The following ARHGAP15 variants were observed in gnomAD, a reference collection of about 807,000 sequenced individuals.
ARHGAP15 encodes the protein rho GTPase-activating protein 15.
In ARHGAP15, 51 loss-of-function variants were observed where a neutral mutation model predicts 63.7. The observed-to-expected ratio is 0.80, with a 90% CI of 0.64 to 1.01. The LOEUF (loss-of-function observed/expected upper bound fraction) is 1.01, where lower values mean the gene tolerates loss of function less well. Among genes scored for constraint, ARHGAP15 ranks in the 50% least tolerant of loss-of-function variants. The pLI is 0.00. For missense variants in ARHGAP15, 560 were observed against 564.6 expected (o/e 0.99, Z 0.08); for synonymous variants, 191 against 193.8 (o/e 0.99, Z 0.12).
Position 143,457,146 on chromosome 2 carries a change from T to C in ARHGAP15, c.703+20104T>C, listed in dbSNP as rs542234925. Among the ~76,000 whole-genome samples, 4 of 152,248 alleles carry C rather than the reference T, an allele frequency of 2.6e-5. No homozygotes were observed. In the East Asian group the frequency reaches 7.7e-4, roughly 29 times the overall value. ...CCATCTCAAAGTTTCCACCAAATAA[T>C]TTACTACTTTCATTTAACAGATTCT... On this transcript the variant is annotated intron_variant, in intron 8 of 13. Coordinates refer to ENST00000295095, the MANE Select transcript of ARHGAP15 (RefSeq NM_018460.4).
intron 8 of ARHGAP15, among the ~76,000 whole-genome samples, chr2:143,477,663 A>G (rs1014052258): frequency 3.9e-5 from 6 of 152,198 alleles, no homozygotes; most frequent in African/African-American, 9.6e-5. Context: ...TCCAAAGCCT[A>G]TATTATTCAA....
At chr2:143,214,218 TG>T (rs1467249029) in intron 3 of ARHGAP15, among the ~76,000 whole-genome samples, 1 of 152,234 alleles carries the variant, frequency 6.6e-6, no homozygotes, top group African/African-American at 2.4e-5. Context: ...GATAGGTTTT[TG>T]TAGTTTTTTT....
intron 6 of ARHGAP15, among the ~76,000 whole-genome samples, chr2:143,263,376 G>C (rs1312341209): frequency 6.6e-6 from 1 of 152,162 alleles, no homozygotes; most frequent in East Asian, 1.9e-4. Context: ...AGGATGGAAG[G>C]GGTCTGATGT....
At chr2:143,625,088 A>G (rs993805357) in intron 12 of ARHGAP15, among the ~76,000 whole-genome samples, 4 of 152,188 alleles carry the variant, frequency 2.6e-5, no homozygotes, top group Non-Finnish European at 5.9e-5. Context: ...GACAGCTTGG[A>G]AAAAGTTTCC....
In ARHGAP15 at chr2:143,614,958, A is replaced by G. The variant is rs189618250; in HGVS notation, c.1004-9175A>G. 5.9e-5 allele frequency among the ~76,000 whole-genome samples: 9 copies of G among 152,342 alleles called. No individual in the cohort carries two copies. The East Asian group carries it at 1.7e-3, about 29-fold the overall frequency. On this transcript the variant is annotated intron_variant, in intron 11 of 13. Coordinates refer to ENST00000295095, the MANE Select transcript of ARHGAP15 (RefSeq NM_018460.4). Reference sequence around the variant, plus strand: ...GATGATAATGTTGTTCAGTAGTTTCAACAAGAAGTTGTTGCACAGGGACCT... The same window carrying G: ...GATGATAATGTTGTTCAGTAGTTTCGACAAGAAGTTGTTGCACAGGGACCT...
intron 11 of ARHGAP15, among the ~76,000 whole-genome samples, chr2:143,565,122 T>A (rs1161880277): frequency 1.6e-4 from 24 of 152,140 alleles, no homozygotes. Flanking sequence ...TAATACAGTA[T>A]TGAAGGCAGG....
chr2:143,262,298 T>C (rs1680759703), intron 6 of ARHGAP15, among the ~76,000 whole-genome samples: 1 of 152,184 alleles, frequency 6.6e-6, no homozygotes, highest in Non-Finnish European at 1.5e-5. Context: ...GTCTTCAAAA[T>C]GATGGCTGGC....
intron 1 of ARHGAP15, among the ~76,000 whole-genome samples, chr2:143,145,922 A>AAT (rs543046591): frequency 7.3e-4 from 109 of 148,574 alleles, no homozygotes; most frequent in Middle Eastern, 3.5e-3. Context: ...TTCCATATGG[A>AAT]ATATATATAT....
Position 143,238,987 on chromosome 2 carries a change from T to C in ARHGAP15, c.384+10319T>C, listed in dbSNP as rs1693759825. On this transcript the variant is annotated intron_variant, in intron 5 of 13. Transcript: ENST00000295095. The stretch of plus-strand genomic sequence containing the variant: ...GTGGGAGCTGAATAATGAGAACACA[T>C]GGATAGAGTGTGGGGAACAACAAAT... Among the ~76,000 whole-genome samples, 6 of 152,008 alleles carry C rather than the reference T, an allele frequency of 3.9e-5. No individual in the cohort carries two copies. In the South Asian group the frequency reaches 1.2e-3, roughly 32 times the overall value.
At chr2:143,511,231 A>G (rs998561912) in intron 9 of ARHGAP15, among the ~76,000 whole-genome samples, 1 of 152,230 alleles carries the variant, frequency 6.6e-6, no homozygotes, top group Non-Finnish European at 1.5e-5. Context: ...ATGATTTATA[A>G]GGGCAGTCAT....
intron 1 of ARHGAP15, among the ~76,000 whole-genome samples, chr2:143,149,867 G>A (rs914757915): frequency 5.9e-5 from 9 of 152,026 alleles, no homozygotes; most frequent in Admixed American, 2.0e-4. Flanking sequence ...CTATTGTTTT[G>A]TCAGGAAGCA....
chr2:143,601,846 T>C (rs1237987812), intron 11 of ARHGAP15, among the ~76,000 whole-genome samples: 1 of 152,222 alleles, frequency 6.6e-6, no homozygotes, highest in African/African-American at 2.4e-5. Context: ...GTCTCAGCTA[T>C]GTGCCTTCAC....
chr2:143,737,081 T>C (rs1368581510), intron 13 of ARHGAP15, among the ~76,000 whole-genome samples: 3 of 152,252 alleles, frequency 2.0e-5, no homozygotes, highest in African/African-American at 7.2e-5. Context: ...TTTGGGACTC[T>C]CTCCTGGGAC....
At chr2:143,308,102 A>G (rs1342571734) in intron 6 of ARHGAP15, among the ~76,000 whole-genome samples, 2 of 152,194 alleles carry the variant, frequency 1.3e-5, no homozygotes, top group East Asian at 3.9e-4. Context: ...ATGGTAAGCT[A>G]TGCTGTTAGG....
At chr2:143,139,928 G>A (rs1689294263) in intron 1 of ARHGAP15, among the ~76,000 whole-genome samples, 1 of 152,104 alleles carries the variant, frequency 6.6e-6, no homozygotes, top group South Asian at 2.1e-4. Flanking sequence ...TGGCTCATCT[G>A]TAAAATGGTG....
In ARHGAP15 at chr2:143,131,715, A is replaced by G. The variant is rs534488488; in HGVS notation, c.-15+2249A>G. Among the ~76,000 whole-genome samples the G allele has an allele frequency of 2.0e-3, 305 of 152,196 alleles. 2 individuals carry two copies. The highest frequency in any genetic ancestry group is 7.2e-3 in the African/African-American group (298 of 41,454). ...GAAGGCTACAGAGCTTTGACTTCCT[A>G]GCCAGGCCTCCCTTTCTCCCCCCAG... On this transcript the variant is annotated intron_variant, in intron 1 of 13. Coordinates refer to ENST00000295095, the MANE Select transcript of ARHGAP15 (RefSeq NM_018460.4).
intron 13 of ARHGAP15, among the ~76,000 whole-genome samples, chr2:143,745,498 G>A (rs1190810874): frequency 6.6e-6 from 1 of 152,078 alleles, no homozygotes; most frequent in Non-Finnish European, 1.5e-5. Context: ...TCCAAGAGAT[G>A]GAGACTCATG....
At chr2:143,621,807 G>A (rs769090161) in intron 11 of ARHGAP15, among the ~76,000 whole-genome samples, 8 of 152,108 alleles carry the variant, frequency 5.3e-5, no homozygotes, top group Non-Finnish European at 1.2e-4. Context: ...TGATATTAAT[G>A]TGGAAATGAG....
At chr2:143,643,203 G>C (rs551426246) in intron 12 of ARHGAP15, among the ~76,000 whole-genome samples, 7 of 152,150 alleles carry the variant, frequency 4.6e-5, no homozygotes, top group Non-Finnish European at 1.0e-4. Flanking sequence ...ATATGTTTAA[G>C]AGGGGAAGGG....
Sources: gnomAD v4.1 joint callset for allele counts (sites outside exome capture counted in the v4.1 genomes callset) on GRCh38, gnomAD v4.1.1 for gene constraint, MANE v1.5 for transcripts, NCBI Gene and HGNC (gene_info 2026-07-23, HGNC 2026-07-21) for gene names.